RAB3C: variants seen among roughly 807,000 people sequenced by gnomAD.
RAB3C encodes RAB3C, member RAS oncogene family, also known as ras-related protein Rab-3C.
Under a neutral mutation model 26.4 loss-of-function variants are expected in RAB3C, and 17 were observed. The observed-to-expected ratio is 0.64, with a 90% CI of 0.44 to 0.97. The LOEUF (loss-of-function observed/expected upper bound fraction) is 0.97, where lower values mean the gene tolerates loss of function less well. RAB3C is among the 50% of genes least tolerant of loss of function. The pLI is 0.00. For missense variants in RAB3C, 242 were observed against 281.9 expected (o/e 0.86, Z 1.01); for synonymous variants, 91 against 95.9 (o/e 0.95, Z 0.30).
At position 58,680,288 on chromosome 5, in the gene RAB3C, A is replaced by G. The variant is rs139017224; in HGVS notation, c.253-45714A>G. ...AATCTGAAAAAATAATTAGCTTTGCAAGGCCATTAGTGAAGGAGAAAAACT... is the reference window on the plus strand; with the variant it reads ...AATCTGAAAAAATAATTAGCTTTGCGAGGCCATTAGTGAAGGAGAAAAACT... On this transcript the variant is annotated intron_variant, in intron 2 of 4. Coordinates refer to ENST00000282878, the MANE Select transcript of RAB3C (RefSeq NM_138453.4). Among the ~76,000 whole-genome samples, 418 of 152,336 alleles carry G rather than the reference A, an allele frequency of 2.7e-3. 1 individual carries two copies. Among genetic ancestry groups the G allele is most frequent in the African/African-American group, 7.5e-3 (313 of 41,580 alleles).
chr5:58,638,743 T>TG (rs1561275133), intron 2 of RAB3C, among the ~76,000 whole-genome samples: 1 of 152,222 alleles, frequency 6.6e-6, no homozygotes, highest in Admixed American at 6.5e-5. Context: ...AAGCTGTATA[T>TG]GGATCACTGT....
In RAB3C at chr5:58,667,723, A is replaced by G. The variant is rs186712816; in HGVS notation, c.252+49853A>G. ...GTGGCCCCGTGAGATATATCGTTCT[A>G]TTTTACCAAAAGCTCTAAGAAGAAT... On this transcript the variant is annotated intron_variant, in intron 2 of 4. Coordinates refer to ENST00000282878, the MANE Select transcript of RAB3C (RefSeq NM_138453.4). 1.7e-4 allele frequency among the ~76,000 whole-genome samples: 26 copies of G among 151,392 alleles called. 1 individual carries two copies. Among genetic ancestry groups the G allele is most frequent in the Admixed American group, 1.4e-3 (21 of 15,260 alleles).
intron 2 of RAB3C, among the ~76,000 whole-genome samples, chr5:58,634,883 CAGA>C (rs756243491): frequency 6.6e-4 from 101 of 152,192 alleles, no homozygotes; most frequent in Admixed American, 1.4e-3. Context: ...ATCCTCTTCG[CAGA>C]AGAAGATGAA....
At chr5:58,668,367 G>A (rs1748043068) in intron 2 of RAB3C, among the ~76,000 whole-genome samples, 1 of 152,136 alleles carries the variant, frequency 6.6e-6, no homozygotes. Context: ...GGAGGTTAGG[G>A]TCTTGGGAGA....
At chr5:58,805,872 G>A (rs1299533610) in intron 3 of RAB3C, among the ~76,000 whole-genome samples, 1 of 151,892 alleles carries the variant, frequency 6.6e-6, no homozygotes, top group Non-Finnish European at 1.5e-5. Flanking sequence ...AAGGGGTGTG[G>A]GGCAGGGAGT....
intron 2 of RAB3C, among the ~76,000 whole-genome samples, chr5:58,628,642 C>CA (rs34783699): frequency 0.21 from 32,351 of 150,990 alleles, 3,571 homozygotes; most frequent in East Asian, 0.42. Flanking sequence ...AACAGGGTGG[C>CA]AACTGCTCTG....
chr5:58,638,381 A>T (rs139517245), intron 2 of RAB3C, among the ~76,000 whole-genome samples: 2,313 of 152,016 alleles, frequency 0.015, 23 homozygotes, highest in Middle Eastern at 0.024. Flanking sequence ...GTTTTTCCTG[A>T]AAATAAGCTT....
chr5:58,832,235 A>G (rs1743628808), intron 4 of RAB3C, among the ~76,000 whole-genome samples: 1 of 152,176 alleles, frequency 6.6e-6, no homozygotes, highest in East Asian at 1.9e-4. Context: ...TCAGAAGAGG[A>G]GTATGAGGTT....
At chr5:58,612,514 GTGTGTGTATATATATATA>G (rs1413028030) in intron 1 of RAB3C, among the ~76,000 whole-genome samples, 66 of 54,084 alleles carry the variant, frequency 1.2e-3, no homozygotes, top group Middle Eastern at 0.016. Context: ...GTGTGTGTGT[GTGTGTGTATATATATATA>G]TATATATATA....
chr5:58,717,567 T>A (rs768814376), intron 2 of RAB3C, among the ~76,000 whole-genome samples: 2 of 152,164 alleles, frequency 1.3e-5, no homozygotes, highest in Non-Finnish European at 2.9e-5. Flanking sequence ...ATGGAAGATT[T>A]GCTCAGATTC....
At chr5:58,745,392 CAAAAAAAAAAAAA>C (rs1173604247) in intron 3 of RAB3C, among the ~76,000 whole-genome samples, 1 of 33,110 alleles carries the variant, frequency 3.0e-5, no homozygotes, top group East Asian at 9.2e-4. Flanking sequence ...GACTCTGCTT[CAAAAAAAAAAAAA>C]AAAAAAAAAA....
At chr5:58,678,010 G>GTC (rs1469936076) in intron 2 of RAB3C, among the ~76,000 whole-genome samples, 1 of 148,176 alleles carries the variant, frequency 6.7e-6, no homozygotes, top group Admixed American at 6.8e-5. Context: ...GTGCATGCGT[G>GTC]TGTGTGTGTG....
intron 1 of RAB3C, among the ~76,000 whole-genome samples, chr5:58,596,861 A>C (rs1179292034): frequency 3.8e-4 from 10 of 26,324 alleles, no homozygotes; most frequent in Admixed American, 8.8e-4. Flanking sequence ...CATAATATAT[A>C]ATATTATATT....
At chr5:58,672,207 G>A (rs1211285827) in intron 2 of RAB3C, among the ~76,000 whole-genome samples, 1 of 152,164 alleles carries the variant, frequency 6.6e-6, no homozygotes, top group Admixed American at 6.6e-5. Flanking sequence ...GGAGTATGAT[G>A]TCTCTCTTTG....
chr5:58,637,223 T>G (rs1029095073), intron 2 of RAB3C, among the ~76,000 whole-genome samples: 2 of 152,100 alleles, frequency 1.3e-5, no homozygotes, highest in Non-Finnish European at 2.9e-5. Context: ...AGTAAGCCTT[T>G]CTGGCTTCCT....
chr5:58,746,870 AT>A (rs1343029957), intron 3 of RAB3C, among the ~76,000 whole-genome samples: 1 of 152,224 alleles, frequency 6.6e-6, no homozygotes, highest in African/African-American at 2.4e-5. Flanking sequence ...ATTGATTCAT[AT>A]TTCTAGATAA....
At chr5:58,728,181 A>G (rs1394232430) in intron 3 of RAB3C, among the ~76,000 whole-genome samples, 1 of 152,062 alleles carries the variant, frequency 6.6e-6, no homozygotes, top group Non-Finnish European at 1.5e-5. Flanking sequence ...GGGTTTTTTA[A>G]TTCATTCAAC....
At chr5:58,689,483 T>C (rs1748516381) in intron 2 of RAB3C, among the ~76,000 whole-genome samples, 1 of 152,140 alleles carries the variant, frequency 6.6e-6, no homozygotes, top group African/African-American at 2.4e-5. Flanking sequence ...ATTTTATTTT[T>C]ATTTTTATTT....
Position 58,854,025 on chromosome 5 carries a change from G to T in RAB3C, c.*2674G>T, listed in dbSNP as rs898425700. On this transcript the variant is annotated 3_prime_UTR_variant, in exon 5 of 5. Coordinates refer to ENST00000282878, the MANE Select transcript of RAB3C (RefSeq NM_138453.4). ...AACACTATAGTTCCAAGGTTTTTCAGCCTTTTGGCCAACACACACACACAC... is the reference window on the plus strand; with the variant it reads ...AACACTATAGTTCCAAGGTTTTTCATCCTTTTGGCCAACACACACACACAC... 1 of 116,720 alleles carries T rather than the reference G, an allele frequency of 8.6e-6. No homozygotes were observed. Among genetic ancestry groups the T allele is most frequent in the African/African-American group, 3.8e-5 (1 of 26,640 alleles). The allele number at this position is 116,720 out of a possible 1,614,324, so 7.2% of individuals were successfully genotyped here. A position where few individuals can be genotyped will look rare whatever the true frequency, so the allele number is the denominator to read the frequency against.
Sources: gnomAD v4.1 joint callset for allele counts (sites outside exome capture counted in the v4.1 genomes callset) on GRCh38, gnomAD v4.1.1 for gene constraint, MANE v1.5 for transcripts, NCBI Gene and HGNC (gene_info 2026-07-23, HGNC 2026-07-21) for gene names.